NEK11: variants seen among roughly 807,000 people sequenced by gnomAD.
NEK11 encodes the protein NIMA related kinase 11, also known as serine/threonine-protein kinase Nek11.
In NEK11, 72 loss-of-function variants were observed where a neutral mutation model predicts 80.7. The ratio of observed to expected loss-of-function variants is 0.89; its 90% CI spans 0.74 to 1.08. The LOEUF (loss-of-function observed/expected upper bound fraction) is 1.08. NEK11 is among the 50% of genes least tolerant of loss of function. The pLI is 0.00. For synonymous variants in NEK11, 251 were observed against 260.7 expected, an observed-to-expected ratio of 0.96 and a Z score of 0.36; for missense variants, 764 against 763.6, an observed-to-expected ratio of 1.00 and a Z score of -0.01.
chr3:131,104,186 G>T (rs1219349037), intron 4 of NEK11, among the ~76,000 whole-genome samples: 1 of 152,168 alleles, frequency 6.6e-6, no homozygotes, highest in Non-Finnish European at 1.5e-5. Flanking sequence ...TAGCCTGGGT[G>T]TTGGGGGTGA....
intron 3 of NEK11, among the ~76,000 whole-genome samples, chr3:131,069,528 G>A (rs1004386106): frequency 5.9e-5 from 9 of 152,004 alleles, no homozygotes; most frequent in African/African-American, 2.2e-4. Context: ...GCATGCACAC[G>A]TATGTTTATT....
chr3:131,175,281 A>G, intron 14 of NEK11: 1 of 245,472 alleles, frequency 4.1e-6, no homozygotes, highest in African/African-American at 2.3e-5. Context: ...TGCATCTACA[A>G]GAAGACCTGT....
At chr3:131,116,118 C>G (rs1241615758) in intron 5 of NEK11, among the ~76,000 whole-genome samples, 1 of 151,818 alleles carries the variant, frequency 6.6e-6, no homozygotes, top group African/African-American at 2.4e-5. Context: ...TAATGCTATC[C>G]CTCGCCTTCC....
chr3:131,143,732 T>C (rs182987617), intron 7 of NEK11, among the ~76,000 whole-genome samples: 1 of 151,914 alleles, frequency 6.6e-6, no homozygotes, highest in East Asian at 1.9e-4. Context: ...GTTCCTTAAG[T>C]ACTATTACTT....
At chr3:131,066,401 C>T (rs1023150117) in intron 3 of NEK11, among the ~76,000 whole-genome samples, 20 of 151,790 alleles carry the variant, frequency 1.3e-4, no homozygotes, top group African/African-American at 4.4e-4. Flanking sequence ...CTTTTTTTTC[C>T]GGATTATTCA....
intron 3 of NEK11, among the ~76,000 whole-genome samples, chr3:131,071,093 T>C (rs1322802165): frequency 6.6e-6 from 1 of 152,228 alleles, no homozygotes; most frequent in African/African-American, 2.4e-5. Context: ...CTCTGAGATA[T>C]TGTGAAACAT....
intron 17 of NEK11, among the ~76,000 whole-genome samples, chr3:131,278,245 T>C (rs1373167173): frequency 6.6e-6 from 1 of 152,204 alleles, no homozygotes; most frequent in African/African-American, 2.4e-5. Flanking sequence ...GAAACTCCCC[T>C]ACTGGTGCAC....
At chr3:131,217,381 G>T (rs1212353494) in intron 14 of NEK11, among the ~76,000 whole-genome samples, 2 of 152,036 alleles carry the variant, frequency 1.3e-5, no homozygotes, top group Admixed American at 6.6e-5. Flanking sequence ...TTTAGGAGTG[G>T]TTTTTATCTT....
intron 14 of NEK11, among the ~76,000 whole-genome samples, chr3:131,217,861 A>G (rs2094895208): frequency 6.6e-6 from 1 of 152,244 alleles, no homozygotes; most frequent in African/African-American, 2.4e-5. Flanking sequence ...GTGCCATTTT[A>G]TGGAGCATCT....
At chr3:131,083,506 C>G (rs189997855) in intron 4 of NEK11, among the ~76,000 whole-genome samples, 1 of 152,362 alleles carries the variant, frequency 6.6e-6, no homozygotes, top group East Asian at 1.9e-4. Flanking sequence ...TTCTCATCAT[C>G]AGACCCAAAT....
intron 7 of NEK11, among the ~76,000 whole-genome samples, chr3:131,139,353 G>GAAAAAAAAAAAAAAAAAAAA (rs71622003): frequency 9.3e-6 from 1 of 107,546 alleles, no homozygotes; most frequent in Non-Finnish European, 1.8e-5. Context: ...AGAGAAAAAA[G>GAAAAAAAAAAAAAAAAAAAA]AAAAAAAAAA....
chr3:131,111,708 A>AT (rs1229048909), intron 5 of NEK11, among the ~76,000 whole-genome samples: 1 of 152,118 alleles, frequency 6.6e-6, no homozygotes, highest in African/African-American at 2.4e-5. Context: ...GGTTTTTGCC[A>AT]TTATTTTTAA....
chr3:131,275,063 GT>G (rs59467936), intron 17 of NEK11, among the ~76,000 whole-genome samples: 18,013 of 151,404 alleles, frequency 0.12, 1,844 homozygotes, highest in African/African-American at 0.28. Flanking sequence ...TTTTTCATGT[GT>G]TTTTTTGGCT....
intron 6 of NEK11, chr3:131,133,397 T>C (rs1179604105): frequency 1.5e-5 from 6 of 404,826 alleles, no homozygotes; most frequent in African/African-American, 2.1e-5. Context: ...TTTATAGTCA[T>C]GTTCTTAAAT....
chr3:131,304,214 A>C (rs1304858551), intron 17 of NEK11, among the ~76,000 whole-genome samples: 1 of 152,164 alleles, frequency 6.6e-6, no homozygotes, highest in Non-Finnish European at 1.5e-5. Flanking sequence ...ACTATTTGCA[A>C]TTGTATTATG....
At chr3:131,205,356 A>C (rs1003675561) in intron 14 of NEK11, among the ~76,000 whole-genome samples, 5 of 152,226 alleles carry the variant, frequency 3.3e-5, no homozygotes, top group Admixed American at 6.5e-5. Context: ...CAGTGGAGGC[A>C]TGTAGCAGGA....
chr3:131,163,123 G>T (rs1447672516), intron 11 of NEK11, among the ~76,000 whole-genome samples: 1 of 152,194 alleles, frequency 6.6e-6, no homozygotes, highest in Non-Finnish European at 1.5e-5. Flanking sequence ...GGGAACCCTT[G>T]TGCAGTAGTG....
At chr3:131,317,119 T>C (rs546810854) in intron 17 of NEK11, among the ~76,000 whole-genome samples, 18 of 152,322 alleles carry the variant, frequency 1.2e-4, no homozygotes, top group African/African-American at 4.3e-4. Context: ...GGGTGAGGCT[T>C]CCATCCTACC....
chr3:131,187,893 A>G (rs904711133), intron 14 of NEK11, among the ~76,000 whole-genome samples: 2 of 152,226 alleles, frequency 1.3e-5, no homozygotes, highest in Non-Finnish European at 2.9e-5. Context: ...ATTAAAAACC[A>G]GTTGATCATG....
Sources: gnomAD v4.1 joint callset for allele counts (sites outside exome capture counted in the v4.1 genomes callset) on GRCh38, gnomAD v4.1.1 for gene constraint, MANE v1.5 for transcripts, NCBI Gene and HGNC (gene_info 2026-07-23, HGNC 2026-07-21) for gene names.